KAZN: variants seen among roughly 807,000 people sequenced by gnomAD.
KAZN encodes the protein kazrin.
A neutral mutation model predicts 87.4 loss-of-function variants in KAZN; 40 were observed. The ratio of observed to expected loss-of-function variants is 0.46; its 90% CI spans 0.36 to 0.60. The LOEUF is 0.60. Ranked by LOEUF, KAZN falls within the 20% of genes least tolerant of loss-of-function variation. KAZN has a pLI of 0.00. For synonymous variants in KAZN, 466 were observed against 458.3 expected, an observed-to-expected ratio of 1.02 and a Z score of -0.22; for missense variants, 898 against 1,073.9, an observed-to-expected ratio of 0.84 and a Z score of 2.29.
chr1:14,435,715 G>A (rs1666342084), intron 2 of KAZN, among the ~76,000 whole-genome samples: 1 of 152,186 alleles, frequency 6.6e-6, no homozygotes, highest in Admixed American at 6.5e-5. Context: ...TTAAACCGCA[G>A]CTACCTCATC....
chr1:14,282,960 C>T (rs1178803279), intron 2 of KAZN, among the ~76,000 whole-genome samples: 2 of 152,170 alleles, frequency 1.3e-5, no homozygotes, highest in Admixed American at 1.3e-4. Context: ...CGTGGAATTT[C>T]GATCTGCCCT....
chr1:14,736,758 G>C (rs1272653767), intron 1 of KAZN, among the ~76,000 whole-genome samples: 1 of 152,152 alleles, frequency 6.6e-6, no homozygotes, highest in African/African-American at 2.4e-5. Context: ...TGAAGGAATA[G>C]TATATTCACT....
At chr1:14,826,256 G>A (rs1203504024) in intron 1 of KAZN, among the ~76,000 whole-genome samples, 1 of 152,262 alleles carries the variant, frequency 6.6e-6, no homozygotes, top group South Asian at 2.1e-4. Flanking sequence ...AAATTTCCCA[G>A]CATGTGACCA....
chr1:14,644,545 T>C (rs1680667954), intron 1 of KAZN, among the ~76,000 whole-genome samples: 1 of 151,970 alleles, frequency 6.6e-6, no homozygotes, highest in Non-Finnish European at 1.5e-5. Flanking sequence ...GTATTTTTAG[T>C]AGAGACGGGG....
chr1:14,404,506 C>G (rs1466810153), intron 2 of KAZN, among the ~76,000 whole-genome samples: 1 of 152,148 alleles, frequency 6.6e-6, no homozygotes, highest in East Asian at 1.9e-4. Flanking sequence ...CAGGCCTAAA[C>G]AACAACAAAA....
At chr1:13,971,302 C>T (rs1469495050) in intron 1 of KAZN, among the ~76,000 whole-genome samples, 2 of 152,164 alleles carry the variant, frequency 1.3e-5, no homozygotes, top group East Asian at 1.9e-4. Flanking sequence ...TTCACCTTTA[C>T]TAACATTATT....
At chr1:14,778,927 G>T (rs1453612427) in intron 1 of KAZN, among the ~76,000 whole-genome samples, 1 of 152,180 alleles carries the variant, frequency 6.6e-6, no homozygotes, top group Non-Finnish European at 1.5e-5. Flanking sequence ...TCACTTGTGG[G>T]TCTGGCACCT....
intron 1 of KAZN, among the ~76,000 whole-genome samples, chr1:14,926,128 C>A (rs1408455050): frequency 6.6e-6 from 1 of 152,214 alleles, no homozygotes; most frequent in African/African-American, 2.4e-5. Flanking sequence ...GTCAGTGCTC[C>A]CACTGACTCA....
rs547794591 is a variant in KAZN, at chr1:14,413,584, G to A, written c.250-185399G>A. On this transcript the variant is annotated intron_variant, in intron 2 of 16. Coordinates refer to the KAZN transcript ENST00000636203. ...AGCCTGGGCAACAGTGTGAAACTCC[G>A]TCTCAAAAGAAAAAAAAAAAAAAAA... Among the ~76,000 whole-genome samples the A allele has an allele frequency of 9.8e-5, 9 of 92,218 alleles. No homozygotes were observed. The South Asian group carries it at 1.6e-3, about 16-fold the overall frequency. The allele number at this position is 92,218 out of a possible 152,430, so 60.5% of individuals were successfully genotyped here.
chr1:14,873,394 G>A (rs565263275), intron 1 of KAZN, among the ~76,000 whole-genome samples: 2 of 152,310 alleles, frequency 1.3e-5, no homozygotes, highest in South Asian at 4.1e-4. Context: ...GGGGAAGAGG[G>A]ATGCAGAATA....
At chr1:14,535,919 C>G (rs1272949529) in intron 2 of KAZN, among the ~76,000 whole-genome samples, 3 of 152,182 alleles carry the variant, frequency 2.0e-5, no homozygotes, top group African/African-American at 7.2e-5. Flanking sequence ...GAACCCAGAT[C>G]ACCAGGGCAA....
chr1:13,920,607 A>G (rs1640029330), intron 1 of KAZN, among the ~76,000 whole-genome samples: 1 of 152,202 alleles, frequency 6.6e-6, no homozygotes, highest in South Asian at 2.1e-4. Flanking sequence ...GGTTTTGGTC[A>G]GGAGCCTTCT....
intron 2 of KAZN, among the ~76,000 whole-genome samples, chr1:14,582,179 C>A (rs1331885162): frequency 6.6e-6 from 1 of 152,112 alleles, no homozygotes; most frequent in Non-Finnish European, 1.5e-5. Context: ...AGGTCAATAA[C>A]TTTCCCAGAA....
At chr1:13,995,411 A>C (rs1013928961) in intron 1 of KAZN, among the ~76,000 whole-genome samples, 3 of 152,208 alleles carry the variant, frequency 2.0e-5, no homozygotes, top group Non-Finnish European at 4.4e-5. Context: ...GCAGCAATAA[A>C]CAGAAAGTGA....
In KAZN at chr1:14,142,180, A is replaced by G. The variant is rs191583147; in HGVS notation, c.92-38255A>G. ...TTTACAGGCTGAACCTAAGACCCCA[A>G]TGTGTCCTTGTCATAAAGCATAATT... is the stretch of plus-strand genomic sequence containing the variant. On this transcript the variant is annotated intron_variant, in intron 1 of 16. Transcript: ENST00000636203. Among the ~76,000 whole-genome samples, 82 of 150,654 alleles carry G rather than the reference A, an allele frequency of 5.4e-4. 1 individual carries two copies. In the South Asian group the frequency reaches 0.011, roughly 21 times the overall value.
At position 14,858,209 on chromosome 1, in the gene KAZN, C is replaced by CTTTTTTTTTT. The variant is rs762613728; in HGVS notation, c.227-102471_227-102470insTTTTTTTTTT. ...CTTTCTTTTTTTCTTTTTTCTTTTT[C>CTTTTTTTTTT]TTTTCTTTTTTTTTTTTTTTTGAGA... On this transcript the variant is annotated intron_variant, in intron 1 of 14. Transcript: ENST00000376030. Among the ~76,000 whole-genome samples the CTTTTTTTTTT allele has an allele frequency of 8.3e-3, 959 of 115,404 alleles. 128 individuals are homozygous for CTTTTTTTTTT. The highest frequency in any genetic ancestry group is 0.011 in the Middle Eastern group (2 of 184). The allele number at this position is 115,404 out of a possible 152,430, so 75.7% of individuals were successfully genotyped here.
At chr1:15,049,938 C>A (rs1340356886) in intron 4 of KAZN, among the ~76,000 whole-genome samples, 3 of 152,026 alleles carry the variant, frequency 2.0e-5, no homozygotes, top group African/African-American at 7.2e-5. Context: ...GCAGGAGAAT[C>A]GCTTGAACCC....
chr1:14,580,141 C>T (rs1192517743), intron 2 of KAZN, among the ~76,000 whole-genome samples: 3 of 152,132 alleles, frequency 2.0e-5, no homozygotes, highest in Non-Finnish European at 4.4e-5. Context: ...ATTTGTGTTG[C>T]AGTCAGCTTA....
intron 1 of KAZN, among the ~76,000 whole-genome samples, chr1:14,951,134 A>G (rs1188288573): frequency 6.6e-6 from 1 of 152,190 alleles, no homozygotes; most frequent in Non-Finnish European, 1.5e-5. Context: ...TCACCTGGGC[A>G]AAGGCGACAA....
Sources: gnomAD v4.1 joint callset for allele counts (sites outside exome capture counted in the v4.1 genomes callset) on GRCh38, gnomAD v4.1.1 for gene constraint, MANE v1.5 for transcripts, NCBI Gene and HGNC (gene_info 2026-07-23, HGNC 2026-07-21) for gene names.